Variants in LTN1 observed in about 807,000 individuals in gnomAD.
LTN1 encodes the protein E3 ubiquitin-protein ligase listerin.
In LTN1, 88 loss-of-function variants were observed where a neutral mutation model predicts 201.2. The ratio of observed to expected loss-of-function variants is 0.44; its 90% CI spans 0.37 to 0.52. LTN1 has a LOEUF of 0.52. Ranked by LOEUF, LTN1 falls within the 20% of genes least tolerant of loss-of-function variation. The probability of loss-of-function intolerance (pLI) is 0.00; values close to 1 mark genes in which losing one functional copy is unlikely to be tolerated. For missense variants in LTN1, 1,752 were observed against 2,038.7 expected, an observed-to-expected ratio of 0.86 and a Z score of 2.71; for synonymous variants, 645 against 713.5, an observed-to-expected ratio of 0.90 and a Z score of 1.53.
chr21:28,953,364 A>G lies in LTN1; in HGVS notation c.3092T>C (p.Leu1031Pro). The change falls in exon 17 of 30, where the codon CTT becomes CCT. Residue 1031 changes from leucine (L) to proline (P), a missense_variant. Around this residue, in one of 3 missense-constraint regions of LTN1, gnomAD observed 1,211 missense variants for 1,312.8 expected, o/e 0.92. Coordinates refer to ENST00000361371, the MANE Select transcript of LTN1 (RefSeq NM_015565.3). ...TTCTTCACACCACTGCAGTGAATAA[A>G]GCAGTTCTGCAACTAAAAGAAGAGA... ...NELEKIIAEL[L>P]YSLQWCEELD... 3.2e-6 allele frequency: 5 copies of G among 1,578,904 alleles called. No homozygotes were observed. Among genetic ancestry groups the G allele is most frequent in the Non-Finnish European group, 4.3e-6 (5 of 1,170,716 alleles).
At chr21:28,974,870 AAGTAAACT>A (rs1476408205) in intron 6 of LTN1, among the ~76,000 whole-genome samples, 11 of 152,188 alleles carry the variant, frequency 7.2e-5, no homozygotes, top group African/African-American at 2.4e-4. Flanking sequence ...TCCTGGCCTC[AAGTAAACT>A]AGAAGCAGCT....
intron 6 of LTN1, among the ~76,000 whole-genome samples, chr21:28,979,964 C>A (rs1289832128): frequency 6.6e-6 from 1 of 152,096 alleles, no homozygotes; most frequent in African/African-American, 2.4e-5. Context: ...AAGAGCGAAA[C>A]TCCATCTGGA....
chr21:28,992,120 G>C (rs777204852), intron 1 of LTN1, among the ~76,000 whole-genome samples: 1 of 152,226 alleles, frequency 6.6e-6, no homozygotes, highest in African/African-American at 2.4e-5. Flanking sequence ...GGGCTACCAA[G>C]AGGGTGATCA....
At position 28,966,656 on chromosome 21, in the gene LTN1, T is replaced by G. The variant is rs949670364; in HGVS notation, c.1835A>C (p.Gln612Pro). 2 of 1,613,914 alleles carry G rather than the reference T, an allele frequency of 1.2e-6. No individual in the cohort carries two copies. Among genetic ancestry groups the G allele is most frequent in the African/African-American group, 2.7e-5 (2 of 74,926 alleles). The change falls in exon 10 of 30, where the codon CAA becomes CCA. Residue 612 changes from glutamine to proline, a missense_variant. Physicochemically the swap from Gln to Pro is moderately conservative, Grantham distance 76. Coordinates refer to ENST00000361371, the MANE Select transcript of LTN1 (RefSeq NM_015565.3). ...INYVNERKSE[Q>P]HLRFLSTLLD... is the part of the protein sequence containing the mutation. The stretch of plus-strand genomic sequence containing the variant: ...CAGAGTAGAAAGAAACCTTAGATGT[T>G]GCTCTGACTTTCGTTCATTGACATA...
intron 6 of LTN1, among the ~76,000 whole-genome samples, chr21:28,977,204 T>C (rs980401552): frequency 1.3e-5 from 2 of 151,926 alleles, no homozygotes; most frequent in Non-Finnish European, 2.9e-5. Context: ...CAAAACCCTG[T>C]CTCTACTAAA....
chr21:28,947,698 GATGA>G, intron 18 of LTN1, 92 bp from the exon 19 acceptor site: 1 of 704,662 alleles, frequency 1.4e-6, no homozygotes, highest in Non-Finnish European at 2.2e-6. Context: ...GAAAAAGATA[GATGA>G]ATAATTCTAT....
intron 1 of LTN1, among the ~76,000 whole-genome samples, chr21:28,987,285 T>C (rs950612258): frequency 1.3e-5 from 2 of 152,238 alleles, no homozygotes; most frequent in African/African-American, 4.8e-5. Flanking sequence ...CAGGAAAATT[T>C]TCATAAATGC....
Position 28,966,697 on chromosome 21 carries a change from T to C in LTN1, c.1794A>G (p.Ala598=), listed in dbSNP as rs144737186. ...CATTGACATAATTAATACTTATATC[T>C]GCGAGTTTACAGACTAAGTCTTCCA... The part of the protein sequence containing the change: ...KPLEDLVCKL[A]DISINYVNER... Residue 598 remains alanine (A), a synonymous_variant, in exon 10 of 30, where the codon GCA becomes GCG. Coordinates refer to ENST00000361371, the MANE Select transcript of LTN1 (RefSeq NM_015565.3). 11 of 1,613,910 alleles carry C rather than the reference T, an allele frequency of 6.8e-6. No individual in the cohort carries two copies. Among genetic ancestry groups the C allele is most frequent in the African/African-American group, 6.7e-5 (5 of 74,922 alleles).
chr21:28,962,915 G>A (rs1407178809), intron 11 of LTN1, among the ~76,000 whole-genome samples: 1 of 152,158 alleles, frequency 6.6e-6, no homozygotes, highest in African/African-American at 2.4e-5. Flanking sequence ...CCAGACAGAA[G>A]ATCAAACGAG....
intron 6 of LTN1, among the ~76,000 whole-genome samples, chr21:28,973,219 A>C (rs1008249851): frequency 6.6e-6 from 1 of 151,794 alleles, no homozygotes; most frequent in Non-Finnish European, 1.5e-5. Context: ...ATGGTGGCAC[A>C]TGCTTGTAAT....
At chr21:28,983,381 C>G (rs1317356652) in intron 4 of LTN1, among the ~76,000 whole-genome samples, 1 of 152,176 alleles carries the variant, frequency 6.6e-6, no homozygotes, top group African/African-American at 2.4e-5. Context: ...ACTCTTGTAA[C>G]GTTTATAACT....
intron 3 of LTN1, among the ~76,000 whole-genome samples, chr21:28,985,554 C>G (rs1338796112): frequency 6.6e-6 from 1 of 151,474 alleles, no homozygotes; most frequent in African/African-American, 2.4e-5. Flanking sequence ...AAATCACTAT[C>G]AAAATTTATT....
intron 8 of LTN1, 135 bp from the exon 9 acceptor site, chr21:28,969,736 A>C (rs1424763022): frequency 1.3e-5 from 7 of 530,940 alleles, no homozygotes; most frequent in Non-Finnish European, 1.6e-5. Context: ...CTACAAATTA[A>C]ATACCAATGA....
chr21:28,949,538 T>C (rs1417772983), intron 18 of LTN1, among the ~76,000 whole-genome samples: 3 of 152,102 alleles, frequency 2.0e-5, no homozygotes, highest in Non-Finnish European at 4.4e-5. Flanking sequence ...GCAACCACCT[T>C]CTACTTTCTA....
chr21:28,939,283 TG>T (rs1393026563), intron 25 of LTN1, among the ~76,000 whole-genome samples: 1 of 151,956 alleles, frequency 6.6e-6, no homozygotes, highest in Non-Finnish European at 1.5e-5. Context: ...TTCGCTGGGG[TG>T]GGGGTCATGG....
At position 28,970,762 on chromosome 21, in the gene LTN1, T is replaced by C. The variant is rs531277760; in HGVS notation, c.985-20A>G. 1.9e-6 allele frequency: 3 copies of C among 1,555,032 alleles called. No homozygotes were observed. Among genetic ancestry groups the C allele is most frequent in the East Asian group, 2.3e-5 (1 of 44,304 alleles). On this transcript the variant is annotated intron_variant, in intron 7 of 29. Transcript: ENST00000361371. Reference sequence around the variant, plus strand: ...ACAGTCCTAACCAAACAAAAGATTATAGTAGTAATTAGAGATCATAAACAT... The same window carrying C: ...ACAGTCCTAACCAAACAAAAGATTACAGTAGTAATTAGAGATCATAAACAT...
chr21:28,931,363 C>A (rs73190119), intron 28 of LTN1, 41 bp from the exon 29 acceptor site: 170,320 of 1,132,944 alleles, frequency 0.15, 13,536 homozygotes, highest in African/African-American at 0.24. Context: ...ACACTGATAA[C>A]CACCAATTTT....
At position 28,959,641 on chromosome 21, in the gene LTN1, A is replaced by G; in HGVS notation, c.2410T>C (p.Leu804=). 6.2e-7 allele frequency: 1 copy of G among 1,613,692 alleles called. No individual in the cohort carries two copies. Among genetic ancestry groups the G allele is most frequent in the Non-Finnish European group, 8.5e-7 (1 of 1,179,722 alleles). ...TCTGATAATTTCTTTGTTTTGAATA[A>G]AGTTTCATGAAGTCTAACAATGATT... ...ERIIVRLHET[L]FKTKKLSEAE... is the part of the protein sequence containing the mutation. The change falls in exon 13 of 30, where the codon TTA becomes CTA. Residue 804 remains leucine (L), a synonymous_variant. Coordinates refer to ENST00000361371, the MANE Select transcript of LTN1 (RefSeq NM_015565.3).
In LTN1 at chr21:28,928,880, C is replaced by T. The variant is rs913125356; in HGVS notation, c.*1568G>A. ...TTTAAAGGAAAAGTAATAACTTTCACGGGGAGTAACACAATCCTTTGGGAT... is the reference window on the plus strand; with the variant it reads ...TTTAAAGGAAAAGTAATAACTTTCATGGGGAGTAACACAATCCTTTGGGAT... On this transcript the variant is annotated 3_prime_UTR_variant, in exon 30 of 30. Transcript: ENST00000361371. The T allele has an allele frequency of 3.9e-5, 6 of 152,328 alleles. No individual in the cohort carries two copies. The highest frequency in any genetic ancestry group is 1.9e-4 in the East Asian group (1 of 5,188). The allele number at this position is 152,328 out of a possible 1,614,324, so 9.4% of individuals were successfully genotyped here. A position where few individuals can be genotyped will look rare whatever the true frequency, so the allele number is the denominator to read the frequency against.
Sources: gnomAD v4.1 joint callset for allele counts (sites outside exome capture counted in the v4.1 genomes callset) on GRCh38, gnomAD v4.1.1 for gene constraint, gnomAD v4.1.1 regional missense constraint, MANE v1.5 for transcripts, NCBI Gene and HGNC (gene_info 2026-07-23, HGNC 2026-07-21) for gene names.